MGAT4C: variants seen among roughly 807,000 people sequenced by gnomAD.
MGAT4C encodes the protein alpha-1,3-mannosyl-glycoprotein 4-beta-N-acetylglucosaminyltransferase C.
A neutral mutation model predicts 40.1 loss-of-function variants in MGAT4C; 19 were observed. The observed-to-expected ratio is 0.47, with a 90% CI of 0.33 to 0.70. The LOEUF (loss-of-function observed/expected upper bound fraction) is 0.70. Among genes scored for constraint, MGAT4C ranks in the 30% least tolerant of loss-of-function variants. MGAT4C has a pLI of 0.02. For missense variants in MGAT4C, 491 were observed against 563.2 expected (o/e 0.87, Z 1.30); for synonymous variants, 181 against 187.1 (o/e 0.97, Z 0.27).
rs1441177604 is a variant in MGAT4C, at chr12:86,496,572, G to GA, written c.-228-61308dup. On this transcript the variant is annotated intron_variant, in intron 2 of 7. Coordinates refer to the MGAT4C transcript ENST00000548651. ...ATGCTTAAAATATCTGTAAAAATGA[G>GA]ATAAATGTGTTTGATTGTTCTTTCA... Among the ~76,000 whole-genome samples the GA allele has an allele frequency of 2.7e-5, 4 of 149,932 alleles. No homozygotes were observed. In the East Asian group the frequency reaches 7.7e-4, roughly 29 times the overall value.
intron 2 of MGAT4C, among the ~76,000 whole-genome samples, chr12:86,630,658 A>T (rs984945798): frequency 6.6e-6 from 1 of 152,212 alleles, no homozygotes; most frequent in Non-Finnish European, 1.5e-5. Context: ...AAACTACATG[A>T]TTATCTCAAT....
At chr12:86,823,793 A>G (rs756388102) in intron 1 of MGAT4C, among the ~76,000 whole-genome samples, 1 of 151,166 alleles carries the variant, frequency 6.6e-6, no homozygotes, top group East Asian at 1.9e-4. Flanking sequence ...AAAAAAGGCT[A>G]GTAAGTGATA....
At chr12:86,479,772 G>A (rs1366065158) in intron 2 of MGAT4C, among the ~76,000 whole-genome samples, 1 of 151,808 alleles carries the variant, frequency 6.6e-6, no homozygotes, top group African/African-American at 2.4e-5. Flanking sequence ...CCTACATCTA[G>A]CTGCAATTGT....
At chr12:86,754,546 A>C (rs2136144791) in intron 1 of MGAT4C, among the ~76,000 whole-genome samples, 1 of 152,260 alleles carries the variant, frequency 6.6e-6, no homozygotes, top group South Asian at 2.1e-4. Flanking sequence ...GCAATTTTGT[A>C]AAGGGACATG....
chr12:86,155,576 C>T (rs2135783260), intron 1 of MGAT4C, among the ~76,000 whole-genome samples: 1 of 152,176 alleles, frequency 6.6e-6, no homozygotes, highest in South Asian at 2.1e-4. Context: ...GAGATGGTGG[C>T]ATTATTTACT....
intron 2 of MGAT4C, among the ~76,000 whole-genome samples, chr12:86,474,406 A>G (rs1592891809): frequency 6.7e-6 from 1 of 148,996 alleles, no homozygotes; most frequent in African/African-American, 2.5e-5. Context: ...GCATTAGGAG[A>G]TATAACTAAT....
At chr12:86,701,819 G>C (rs1253383855) in intron 2 of MGAT4C, among the ~76,000 whole-genome samples, 1 of 152,054 alleles carries the variant, frequency 6.6e-6, no homozygotes, top group Non-Finnish European at 1.5e-5. Flanking sequence ...TCCAATGAAT[G>C]CATTAATAAT....
chr12:86,590,247 GAAATTGAAGCTCAGAGA>G (rs1961270200), intron 2 of MGAT4C, among the ~76,000 whole-genome samples: 2 of 4,736 alleles, frequency 4.2e-4, no homozygotes, highest in African/African-American at 6.1e-4. Flanking sequence ...TACCAAGGAT[GAAATTGAAGCTCAGAGA>G]AATTTTAAGA....
At chr12:86,543,974 G>T (rs1323911378) in intron 2 of MGAT4C, among the ~76,000 whole-genome samples, 1 of 151,992 alleles carries the variant, frequency 6.6e-6, no homozygotes, top group Non-Finnish European at 1.5e-5. Flanking sequence ...TCATCAGGGG[G>T]GCTCAGGCTA....
At chr12:86,054,575 T>C (rs954974837) in intron 1 of MGAT4C, among the ~76,000 whole-genome samples, 1 of 152,016 alleles carries the variant, frequency 6.6e-6, no homozygotes, top group African/African-American at 2.4e-5. Context: ...GACTGAAAAA[T>C]GATAAGCATT....
At chr12:86,289,423 T>G (rs1409657778) in intron 4 of MGAT4C, among the ~76,000 whole-genome samples, 1 of 152,196 alleles carries the variant, frequency 6.6e-6, no homozygotes, top group African/African-American at 2.4e-5. Context: ...TTGTAATTTT[T>G]TTTTTCAAGT....
chr12:86,072,861 T>C (rs1408319130), intron 1 of MGAT4C, among the ~76,000 whole-genome samples: 1 of 152,192 alleles, frequency 6.6e-6, no homozygotes, highest in Non-Finnish European at 1.5e-5. Flanking sequence ...TGTTTTCTTG[T>C]TTGGAGAAGA....
chr12:86,469,307 A>G (rs1406693785), intron 2 of MGAT4C, among the ~76,000 whole-genome samples: 1 of 152,124 alleles, frequency 6.6e-6, no homozygotes, highest in Non-Finnish European at 1.5e-5. Context: ...ATTGCTTTTA[A>G]TGAACAGAAT....
chr12:86,665,118 T>C (rs906821771), intron 2 of MGAT4C, among the ~76,000 whole-genome samples: 1 of 151,946 alleles, frequency 6.6e-6, no homozygotes, highest in Non-Finnish European at 1.5e-5. Flanking sequence ...AGACAAACTG[T>C]CTTTAAGAAG....
chr12:86,727,727 T>A (rs1039542131), intron 1 of MGAT4C, among the ~76,000 whole-genome samples: 18 of 152,152 alleles, frequency 1.2e-4, no homozygotes, highest in African/African-American at 4.3e-4. Context: ...AACAAGGGCT[T>A]ACAGAATACT....
chr12:86,015,487 G>T (rs1888999747), intron 2 of MGAT4C, among the ~76,000 whole-genome samples: 1 of 152,180 alleles, frequency 6.6e-6, no homozygotes, highest in Admixed American at 6.5e-5. Context: ...CATCCTTTGT[G>T]TAAGGACACT....
intron 1 of MGAT4C, among the ~76,000 whole-genome samples, chr12:86,067,204 C>T (rs1894627850): frequency 6.6e-6 from 1 of 152,184 alleles, no homozygotes; most frequent in Non-Finnish European, 1.5e-5. Context: ...AACCTTATTA[C>T]TGGGTATATA....
At chr12:86,819,665 G>C (rs961692869) in intron 1 of MGAT4C, among the ~76,000 whole-genome samples, 1 of 150,774 alleles carries the variant, frequency 6.6e-6, no homozygotes, top group Non-Finnish European at 1.5e-5. Context: ...ACAATGTACA[G>C]TAGTAAACAA....
intron 4 of MGAT4C, among the ~76,000 whole-genome samples, chr12:86,267,282 G>A (rs1437212658): frequency 6.6e-6 from 1 of 152,026 alleles, no homozygotes; most frequent in Non-Finnish European, 1.5e-5. Flanking sequence ...ACAGATTTTG[G>A]TAGGCTGCAT....
Sources: gnomAD v4.1 joint callset for allele counts (sites outside exome capture counted in the v4.1 genomes callset) on GRCh38, gnomAD v4.1.1 for gene constraint, MANE v1.5 for transcripts, NCBI Gene and HGNC (gene_info 2026-07-23, HGNC 2026-07-21) for gene names.